JAK2: variants seen among roughly 807,000 people sequenced by gnomAD.
JAK2 encodes tyrosine-protein kinase JAK2.
Under a neutral mutation model 139.3 loss-of-function variants are expected in JAK2, and 86 were observed. That is an observed-to-expected ratio of 0.62 (90% CI 0.52 to 0.74). The LOEUF is 0.74. Among genes scored for constraint, JAK2 ranks in the 30% least tolerant of loss-of-function variants. The pLI is 0.00. For missense variants in JAK2, 1,421 were observed against 1,360.3 expected (o/e 1.04, Z -0.70); for synonymous variants, 490 against 437.7 (o/e 1.12, Z -1.49).
intron 4 of JAK2, chr9:5,041,570 G>A: frequency 1.9e-6 from 1 of 515,768 alleles, no homozygotes; most frequent in South Asian, 1.5e-5. Flanking sequence ...CTACGTACCT[G>A]CACTACGTGC....
intron 22 of JAK2, among the ~76,000 whole-genome samples, chr9:5,115,109 T>G (rs1381360830): frequency 1.3e-5 from 2 of 151,936 alleles, no homozygotes; most frequent in East Asian, 3.9e-4. Flanking sequence ...CAAAAGAAAC[T>G]GATCAGAGTG....
At chr9:5,125,970 T>C (rs1208492614) in intron 23 of JAK2, 1 of 157,106 alleles carries the variant, frequency 6.4e-6, no homozygotes, top group African/African-American at 2.4e-5. Context: ...TGCTTATTCA[T>C]TCATTTTTTC....
intron 8 of JAK2, among the ~76,000 whole-genome samples, chr9:5,058,580 T>G (rs773133863): frequency 6.6e-6 from 1 of 152,174 alleles, no homozygotes; most frequent in Non-Finnish European, 1.5e-5. Flanking sequence ...AGAAGTAGAA[T>G]TGCTGGATCA....
intron 2 of JAK2, among the ~76,000 whole-genome samples, chr9:5,001,171 A>G (rs1270387396): frequency 1.3e-5 from 2 of 152,166 alleles, no homozygotes; most frequent in East Asian, 1.9e-4. Context: ...CTTTCATTTC[A>G]ATCTCTATGT....
chr9:5,126,070 A>C, intron 23 of JAK2: 1 of 282,364 alleles, frequency 3.5e-6, no homozygotes, highest in Non-Finnish European at 6.5e-6. Flanking sequence ...AACTCAAAGG[A>C]AATATGTTTT....
chr9:5,015,422 C>T (rs1821978708), intron 2 of JAK2, among the ~76,000 whole-genome samples: 1 of 152,182 alleles, frequency 6.6e-6, no homozygotes, highest in Admixed American at 6.5e-5. Context: ...ATTGAGTTGA[C>T]ATATGCACAA....
chr9:5,053,464 G>A (rs1309131786), intron 6 of JAK2, among the ~76,000 whole-genome samples: 1 of 151,926 alleles, frequency 6.6e-6, no homozygotes, highest in Non-Finnish European at 1.5e-5. Context: ...ATCATTTGTA[G>A]CACAAAAGTT....
At chr9:5,086,401 G>A (rs1252707751) in intron 19 of JAK2, among the ~76,000 whole-genome samples, 1 of 152,180 alleles carries the variant, frequency 6.6e-6, no homozygotes, top group Non-Finnish European at 1.5e-5. Flanking sequence ...ATGGGATTCA[G>A]AGATCAGGAT....
At chr9:5,031,864 A>T (rs891594552) in intron 4 of JAK2, among the ~76,000 whole-genome samples, 2 of 152,194 alleles carry the variant, frequency 1.3e-5, no homozygotes, top group African/African-American at 2.4e-5. Flanking sequence ...TGCATTTCCA[A>T]CTGAGGTGTA....
chr9:5,114,411 A>C lies in JAK2; in HGVS notation c.3060-8593A>C, dbSNP rs963996480. On this transcript the variant is annotated intron_variant, in intron 22 of 24. Coordinates refer to ENST00000381652, the MANE Select transcript of JAK2 (RefSeq NM_004972.4). Reference sequence around the variant, plus strand: ...CCTGCTGGTGGGCACCAGAGACTGGATCAAGGGGGAGACCTACCAGTGCAG... The same window carrying C: ...CCTGCTGGTGGGCACCAGAGACTGGCTCAAGGGGGAGACCTACCAGTGCAG... The C allele has an allele frequency of 7.9e-6, 4 of 503,528 alleles. No individual in the cohort carries two copies. In the Admixed American group the frequency reaches 9.6e-5, roughly 12 times the overall value. The allele number at this position is 503,528 out of a possible 1,614,324, so 31.2% of individuals were successfully genotyped here.
chr9:5,104,771 C>T (rs747284985), intron 22 of JAK2, among the ~76,000 whole-genome samples: 4 of 152,134 alleles, frequency 2.6e-5, no homozygotes, highest in South Asian at 4.1e-4. Flanking sequence ...AATCAATAAA[C>T]GTAATCCATA....
intron 2 of JAK2, among the ~76,000 whole-genome samples, chr9:5,006,759 C>T (rs950162416): frequency 5.9e-5 from 9 of 152,184 alleles, no homozygotes; most frequent in African/African-American, 1.9e-4. Flanking sequence ...CTCACCAGGC[C>T]ACTCCTCTAA....
chr9:5,033,585 T>G (rs189107985), intron 4 of JAK2, among the ~76,000 whole-genome samples: 2 of 152,310 alleles, frequency 1.3e-5, no homozygotes, highest in African/African-American at 2.4e-5. Flanking sequence ...GGGCCAATAT[T>G]CAACATTCTT....
At chr9:5,056,636 A>AC (rs755742461) in intron 8 of JAK2, among the ~76,000 whole-genome samples, 1 of 151,996 alleles carries the variant, frequency 6.6e-6, no homozygotes, top group Non-Finnish European at 1.5e-5. Flanking sequence ...GTGTGTTTGT[A>AC]CCCCCTACAC....
At chr9:4,993,036 T>A (rs866871264) in intron 2 of JAK2, among the ~76,000 whole-genome samples, 3 of 152,212 alleles carry the variant, frequency 2.0e-5, no homozygotes, top group Admixed American at 6.5e-5. Context: ...CTGCCTGTAG[T>A]GCTCCAGAGT....
chr9:5,038,325 G>A (rs929176860), intron 4 of JAK2, among the ~76,000 whole-genome samples: 2 of 152,098 alleles, frequency 1.3e-5, no homozygotes, highest in Admixed American at 6.5e-5. Flanking sequence ...CCAGGCCCAA[G>A]TGGCTTCACT....
At chr9:5,084,102 A>T (rs1266708838) in intron 19 of JAK2, among the ~76,000 whole-genome samples, 2 of 152,130 alleles carry the variant, frequency 1.3e-5, no homozygotes, top group African/African-American at 2.4e-5. Context: ...TGAGCTTAAA[A>T]TTCTTTTAAA....
chr9:5,080,441 A>G, intron 17 of JAK2, 61 bp downstream of exon 17: 2 of 1,543,712 alleles, frequency 1.3e-6, no homozygotes, highest in Non-Finnish European at 1.8e-6. Flanking sequence ...TTTCTTTCAC[A>G]TGATTTGTAT....
rs778979085 is a variant in JAK2, at chr9:5,126,800, A to C, written c.*9A>C. 1.9e-6 allele frequency: 3 copies of C among 1,558,102 alleles called. No homozygotes were observed. The highest frequency in any genetic ancestry group is 8.8e-7 in the Non-Finnish European group (1 of 1,132,762). ...ATAACATGGCTGGATGAAAGAAATGACCTTCATTCTGAGACCAAAGTAGAT... is the reference window on the plus strand; with the variant it reads ...ATAACATGGCTGGATGAAAGAAATGCCCTTCATTCTGAGACCAAAGTAGAT... On this transcript the variant is annotated 3_prime_UTR_variant, in exon 25 of 25. Transcript: ENST00000381652.
Sources: allele counts gnomAD v4.1 joint callset (sites outside exome capture counted in the v4.1 genomes callset), GRCh38; gene constraint gnomAD v4.1.1; transcripts MANE v1.5; gene names NCBI Gene and HGNC (gene_info 2026-07-23, HGNC 2026-07-21).